Variants in NRXN3 observed in about 807,000 individuals in gnomAD.
NRXN3 encodes neurexin 3.
In NRXN3, 32 loss-of-function variants were observed where a neutral mutation model predicts 137.6. The ratio of observed to expected loss-of-function variants is 0.23; its 90% CI spans 0.18 to 0.31. NRXN3 has a LOEUF of 0.31. NRXN3 is among the 10% of genes least tolerant of loss of function. The probability of loss-of-function intolerance (pLI) is 1.00; values close to 1 mark genes in which losing one functional copy is unlikely to be tolerated. For missense variants in NRXN3, 1,574 were observed against 2,062.5 expected (o/e 0.76, Z 4.59); for synonymous variants, 798 against 784.5 (o/e 1.02, Z -0.29).
rs897877648 is a variant in NRXN3, at chr14:78,709,342, C to A, written c.1347C>A (p.Ile449=). The change falls in exon 7 of 21, where the codon ATC becomes ATA. Residue 449 remains isoleucine (I), a synonymous_variant. Transcript: ENST00000335750. ...AGAATGTGGCCACACTGGACCCCAT[C>A]AACTTTGAGACCCCAGAGGCTTACA... ...KCENVATLDP[I]NFETPEAYIS... is the part of the protein sequence containing the mutation. 6.2e-7 allele frequency: 1 copy of A among 1,614,110 alleles called. No individual in the cohort carries two copies. The highest frequency in any genetic ancestry group is 8.5e-7 in the Non-Finnish European group (1 of 1,180,010).
chr14:78,776,738 T>A (rs554243648), intron 8 of NRXN3, among the ~76,000 whole-genome samples: 1 of 152,338 alleles, frequency 6.6e-6, no homozygotes, highest in African/African-American at 2.4e-5. Context: ...ACATGCTCCA[T>A]GAAGGACTTA....
chr14:78,926,839 AT>A (rs1316353997), intron 10 of NRXN3, among the ~76,000 whole-genome samples: 4 of 21,818 alleles, frequency 1.8e-4, no homozygotes, highest in African/African-American at 4.4e-4. Context: ...ATTTATATAA[AT>A]ATATAATATA....
chr14:79,168,382 A>G (rs1177094848), intron 15 of NRXN3, among the ~76,000 whole-genome samples: 1 of 152,090 alleles, frequency 6.6e-6, no homozygotes. Flanking sequence ...AATAGAAAAA[A>G]TAGATAGTAT....
chr14:79,422,809 C>A (rs1193734264), intron 15 of NRXN3, among the ~76,000 whole-genome samples: 1 of 151,026 alleles, frequency 6.6e-6, no homozygotes, highest in African/African-American at 2.4e-5. Flanking sequence ...AAGCAATTCT[C>A]CTGCCTCAGC....
intron 9 of NRXN3, among the ~76,000 whole-genome samples, chr14:78,809,716 A>G (rs75659246): frequency 0.013 from 2,038 of 152,234 alleles, 21 homozygotes; most frequent in Admixed American, 0.021. Context: ...GGCCCAACCT[A>G]AGGAGAGGGT....
intron 4 of NRXN3, among the ~76,000 whole-genome samples, chr14:78,585,781 G>T (rs2097056264): frequency 6.6e-6 from 1 of 152,094 alleles, no homozygotes; most frequent in Non-Finnish European, 1.5e-5. Flanking sequence ...GGGAAGGGTT[G>T]GATATTAGGG....
chr14:79,856,045 T>C (rs2099401805), intron 20 of NRXN3, among the ~76,000 whole-genome samples: 1 of 152,224 alleles, frequency 6.6e-6, no homozygotes, highest in East Asian at 1.9e-4. Context: ...GGGCTGTGGC[T>C]CATCTTATTG....
chr14:79,105,302 A>G (rs2052196445), intron 15 of NRXN3, among the ~76,000 whole-genome samples: 1 of 152,182 alleles, frequency 6.6e-6, no homozygotes, highest in African/African-American at 2.4e-5. Context: ...CAAGCCAAAA[A>G]AAGAACTTCT....
chr14:78,316,918 G>A (rs942925406), intron 4 of NRXN3, among the ~76,000 whole-genome samples: 3 of 152,178 alleles, frequency 2.0e-5, no homozygotes, highest in Non-Finnish European at 2.9e-5. Context: ...AAGTGAGAGA[G>A]AGTAACACTC....
chr14:78,432,542 A>G (rs944570616), intron 4 of NRXN3, among the ~76,000 whole-genome samples: 3 of 152,158 alleles, frequency 2.0e-5, no homozygotes, highest in Non-Finnish European at 4.4e-5. Context: ...GAGGAAGGAA[A>G]TAGTTTCTTT....
intron 10 of NRXN3, among the ~76,000 whole-genome samples, chr14:78,874,731 G>A (rs1035940570): frequency 6.6e-6 from 1 of 152,094 alleles, no homozygotes; most frequent in Non-Finnish European, 1.5e-5. Context: ...CTCTCTCTTT[G>A]CTGGCAGGTG....
At chr14:78,263,372 T>C (rs2071110064) in intron 2 of NRXN3, among the ~76,000 whole-genome samples, 1 of 152,206 alleles carries the variant, frequency 6.6e-6, no homozygotes, top group Non-Finnish European at 1.5e-5. Context: ...GACCATATAA[T>C]TTATTTTTAT....
At chr14:78,367,432 C>T (rs1357006843) in intron 4 of NRXN3, among the ~76,000 whole-genome samples, 1 of 152,020 alleles carries the variant, frequency 6.6e-6, no homozygotes, top group Non-Finnish European at 1.5e-5. Flanking sequence ...ATGAAGCAGC[C>T]CAATACTTAA....
At chr14:79,769,749 A>G (rs1414771414) in intron 19 of NRXN3, among the ~76,000 whole-genome samples, 1 of 152,154 alleles carries the variant, frequency 6.6e-6, no homozygotes, top group African/African-American at 2.4e-5. Context: ...CATCATAACG[A>G]CAGGATCACA....
chr14:79,658,742 A>G (rs1178312153), intron 16 of NRXN3, among the ~76,000 whole-genome samples: 1 of 152,122 alleles, frequency 6.6e-6, no homozygotes, highest in African/African-American at 2.4e-5. Flanking sequence ...TTATTTACAT[A>G]TTGCCTTCCT....
chr14:78,593,774 ACCAGCAGATGCACCTGGG>A (rs1472786175), intron 4 of NRXN3, among the ~76,000 whole-genome samples: 1 of 152,128 alleles, frequency 6.6e-6, no homozygotes, highest in East Asian at 1.9e-4. Flanking sequence ...CACTGGTCTT[ACCAGCAGATGCACCTGGG>A]GCTTCGAGAG....
intron 4 of NRXN3, among the ~76,000 whole-genome samples, chr14:78,432,229 A>C (rs2093909465): frequency 6.6e-6 from 1 of 152,008 alleles, no homozygotes; most frequent in Non-Finnish European, 1.5e-5. Context: ...GAATTCTAGC[A>C]GCTCACATGC....
chr14:79,664,041 C>A lies in NRXN3; in HGVS notation c.3616+92C>A. ...TTTTCTCATGACTGTCACCAAATTC[C>A]AGAACACTGAGTGAAGTACACATTC... On this transcript the variant is annotated intron_variant, in intron 17 of 20. Transcript: ENST00000335750. 3.1e-6 allele frequency: 4 copies of A among 1,286,570 alleles called. No homozygotes were observed. In the Admixed American group the frequency reaches 7.4e-5, roughly 24 times the overall value. 79.7% of individuals were successfully genotyped at this position (1,286,570 alleles called of 1,614,324 possible). A position where few individuals can be genotyped will look rare whatever the true frequency, so the allele number is the denominator to read the frequency against.
At chr14:78,975,235 T>C (rs1437080057) in intron 14 of NRXN3, among the ~76,000 whole-genome samples, 1 of 152,084 alleles carries the variant, frequency 6.6e-6, no homozygotes, top group Admixed American at 6.5e-5. Context: ...CATGTGAGCA[T>C]GAAGGAACAC....
Sources: gnomAD v4.1 joint callset for allele counts (sites outside exome capture counted in the v4.1 genomes callset) on GRCh38, gnomAD v4.1.1 for gene constraint, MANE v1.5 for transcripts, NCBI Gene and HGNC (gene_info 2026-07-23, HGNC 2026-07-21) for gene names.